Variants in PIK3C3 observed in about 807,000 individuals in gnomAD.
PIK3C3 encodes the protein PI3-kinase type 3.
A neutral mutation model predicts 126.1 loss-of-function variants in PIK3C3; 95 were observed. That is an observed-to-expected ratio of 0.75 (90% CI 0.64 to 0.89). The LOEUF (loss-of-function observed/expected upper bound fraction) is 0.89. Among genes scored for constraint, PIK3C3 ranks in the 40% least tolerant of loss-of-function variants. PIK3C3 has a pLI of 0.00. For missense variants in PIK3C3, 829 were observed against 1,063.2 expected (o/e 0.78, Z 3.06); for synonymous variants, 374 against 360.0 (o/e 1.04, Z -0.44).
rs544409552 is a variant in PIK3C3, at chr18:42,086,260, C to T, written c.*5123C>T. Reference sequence around the variant, plus strand: ...CCTTTACCTCAGTTTATGTCTGTCACCACAAGAAACCCAGACCTCCCTAAT... The same window carrying T: ...CCTTTACCTCAGTTTATGTCTGTCATCACAAGAAACCCAGACCTCCCTAAT... On this transcript the variant is annotated 3_prime_UTR_variant, in exon 25 of 25. Coordinates refer to ENST00000262039, the MANE Select transcript of PIK3C3 (RefSeq NM_002647.4). The T allele has an allele frequency of 1.3e-5, 2 of 152,320 alleles. No homozygotes were observed. Among genetic ancestry groups the T allele is most frequent in the African/African-American group, 2.4e-5 (1 of 41,556 alleles). The allele number at this position is 152,320 out of a possible 1,614,324, so 9.4% of individuals were successfully genotyped here.
At chr18:42,042,476 G>A (rs1004195187) in intron 19 of PIK3C3, among the ~76,000 whole-genome samples, 10 of 152,138 alleles carry the variant, frequency 6.6e-5, no homozygotes, top group African/African-American at 2.4e-4. Context: ...TACCCTTCAA[G>A]ACACCAGTTT....
chr18:42,002,513 A>G (rs547436345), intron 9 of PIK3C3, among the ~76,000 whole-genome samples: 19 of 152,346 alleles, frequency 1.2e-4, no homozygotes, highest in African/African-American at 4.6e-4. Flanking sequence ...GAATGAAACT[A>G]ACCAATTAGA....
intron 2 of PIK3C3, among the ~76,000 whole-genome samples, chr18:41,958,919 C>T (rs926155981): frequency 3.3e-5 from 5 of 152,132 alleles, no homozygotes; most frequent in African/African-American, 9.7e-5. Flanking sequence ...AAACCTCAAA[C>T]GTTATAACAC....
chr18:42,010,350 T>C (rs549747120), intron 10 of PIK3C3, among the ~76,000 whole-genome samples: 1 of 152,268 alleles, frequency 6.6e-6, no homozygotes, highest in East Asian at 1.9e-4. Context: ...CTTCTGCATT[T>C]ACTTCCTCCA....
At chr18:42,067,601 T>C in intron 24 of PIK3C3, 88 bp downstream of exon 24, 3 of 1,393,468 alleles carry the variant, frequency 2.2e-6, no homozygotes, top group Non-Finnish European at 2.0e-6. Context: ...CTCCTGCCAG[T>C]TGACATCTTT....
chr18:41,973,021 G>T (rs1456474630), intron 4 of PIK3C3, among the ~76,000 whole-genome samples: 1 of 152,048 alleles, frequency 6.6e-6, no homozygotes, highest in African/African-American at 2.4e-5. Context: ...TAATTTTTGA[G>T]TTTGCAAAAT....
At chr18:42,076,101 TATATATATATATATATATATGCGC>T (rs1230964436) in intron 24 of PIK3C3, among the ~76,000 whole-genome samples, 2 of 72,844 alleles carry the variant, frequency 2.7e-5, no homozygotes, top group East Asian at 4.0e-4. Flanking sequence ...TATATATATA[TATATATATATATATATATATGCGC>T]ATATATATAT....
At chr18:41,991,262 G>A (rs1981763175) in intron 6 of PIK3C3, among the ~76,000 whole-genome samples, 1 of 152,140 alleles carries the variant, frequency 6.6e-6, no homozygotes, top group East Asian at 1.9e-4. Context: ...GGTGGCTCAT[G>A]CCTGTAATTC....
At position 42,081,898 on chromosome 18, in the gene PIK3C3, A is replaced by G. The variant is rs1176207928; in HGVS notation, c.*761A>G. ...AGATATTTTTACATATTCATGTAAGACAATGTAAATTGTCTTTCTGCAATA... is the reference window on the plus strand; with the variant it reads ...AGATATTTTTACATATTCATGTAAGGCAATGTAAATTGTCTTTCTGCAATA... On this transcript the variant is annotated 3_prime_UTR_variant, in exon 25 of 25. Transcript: ENST00000262039. 6.6e-6 allele frequency: 1 copy of G among 152,206 alleles called. No homozygotes were observed. 9.4% of individuals were successfully genotyped at this position (152,206 alleles called of 1,614,324 possible).
intron 24 of PIK3C3, among the ~76,000 whole-genome samples, chr18:42,075,665 CTATATT>C (rs1598960673): frequency 1.3e-5 from 2 of 150,278 alleles, no homozygotes; most frequent in East Asian, 3.9e-4. Flanking sequence ...AGATCTAGTC[CTATATT>C]TATAAGTAAT....
intron 4 of PIK3C3, among the ~76,000 whole-genome samples, chr18:41,972,886 T>C (rs1360644947): frequency 6.6e-6 from 1 of 152,054 alleles, no homozygotes; most frequent in Non-Finnish European, 1.5e-5. Context: ...TGAAGAGAAA[T>C]GTTTTAAAAA....
rs984273474 is a variant in PIK3C3 at position 42,013,654 on chromosome 18, T to C, written c.1325+58T>C. On this transcript the variant is annotated intron_variant, in intron 11 of 24. Transcript: ENST00000262039. ...TTTGTTAATTTTTCCCTTTTCAAAT[T>C]GTTTTCTCTTTTCCTTTCCTTAGAT... The C allele has an allele frequency of 1.7e-5, 22 of 1,315,610 alleles. No homozygotes were observed. The African/African-American group carries it at 2.8e-4, about 17-fold the overall frequency. The allele number at this position is 1,315,610 out of a possible 1,614,324, so 81.5% of individuals were successfully genotyped here. A position where few individuals can be genotyped will look rare whatever the true frequency, so the allele number is the denominator to read the frequency against.
At position 42,079,998 on chromosome 18, in the gene PIK3C3, A is replaced by AGAGTGTGTGT. The variant is rs371056566; in HGVS notation, c.2650-1124_2650-1123insAGTGTGTGTG. On this transcript the variant is annotated intron_variant, in intron 24 of 24. Coordinates refer to ENST00000262039, the MANE Select transcript of PIK3C3 (RefSeq NM_002647.4). Reference sequence around the variant, plus strand: ...GTGTGTGTGTGTATGTAAGAGAGAGAGTGTGTGTGTGTGTGTGTGTGTGTG... The same window carrying AGAGTGTGTGT: ...GTGTGTGTGTGTATGTAAGAGAGAGAGAGTGTGTGTGTGTGTGTGTGTGTGTGTGTGTGTG... Among the ~76,000 whole-genome samples, 9 of 137,432 alleles carry AGAGTGTGTGT rather than the reference A, an allele frequency of 6.5e-5. No individual in the cohort carries two copies. The East Asian group carries it at 8.4e-4, about 13-fold the overall frequency. The allele number at this position is 137,432 out of a possible 152,430, so 90.2% of individuals were successfully genotyped here.
intron 5 of PIK3C3, among the ~76,000 whole-genome samples, chr18:41,989,457 C>A (rs1981664831): frequency 6.6e-6 from 1 of 152,160 alleles, no homozygotes; most frequent in East Asian, 1.9e-4. Flanking sequence ...ACTTTATCAT[C>A]ACCTTAGTAT....
At chr18:41,982,083 A>G (rs548508948) in intron 4 of PIK3C3, among the ~76,000 whole-genome samples, 56 of 152,244 alleles carry the variant, frequency 3.7e-4, no homozygotes, top group Non-Finnish European at 6.8e-4. Flanking sequence ...CTAGTGCACC[A>G]TGCAACTATA....
At chr18:42,034,239 A>G (rs554722363) in intron 16 of PIK3C3, among the ~76,000 whole-genome samples, 1 of 152,228 alleles carries the variant, frequency 6.6e-6, no homozygotes, top group African/African-American at 2.4e-5. Context: ...ATTTTTGTAG[A>G]GATGGGTCCT....
chr18:41,976,846 C>T (rs931090991), intron 4 of PIK3C3, among the ~76,000 whole-genome samples: 4 of 152,082 alleles, frequency 2.6e-5, no homozygotes, highest in Non-Finnish European at 5.9e-5. Flanking sequence ...AAGATGAAAG[C>T]GTAGAGAAGT....
At chr18:42,051,668 T>G (rs2071718715) in intron 21 of PIK3C3, among the ~76,000 whole-genome samples, 1 of 152,278 alleles carries the variant, frequency 6.6e-6, no homozygotes, top group Non-Finnish European at 1.5e-5. Context: ...GCTGATTTGC[T>G]CATTTAGCAG....
chr18:42,025,092 A>G (rs7237780), intron 13 of PIK3C3, among the ~76,000 whole-genome samples: 24,455 of 151,968 alleles, frequency 0.16, 2,083 homozygotes, highest in East Asian at 0.29. Flanking sequence ...GATTACAGGC[A>G]TGAGCCACCA....
Sources: gnomAD v4.1 joint callset for allele counts (sites outside exome capture counted in the v4.1 genomes callset) on GRCh38, gnomAD v4.1.1 for gene constraint, MANE v1.5 for transcripts, NCBI Gene and HGNC (gene_info 2026-07-23, HGNC 2026-07-21) for gene names.